Variants in DAGLB observed in about 807,000 individuals in gnomAD.
The protein encoded by DAGLB is diacylglycerol lipase-beta.
Under a neutral mutation model 72.1 loss-of-function variants are expected in DAGLB, and 66 were observed. The observed-to-expected ratio is 0.92, with a 90% CI of 0.75 to 1.12. The LOEUF (loss-of-function observed/expected upper bound fraction) is 1.12. DAGLB is among the 50% of genes most tolerant of loss of function. DAGLB has a pLI of 0.00. For missense variants in DAGLB, 1,065 were observed against 884.9 expected, an observed-to-expected ratio of 1.20 and a Z score of -2.58; for synonymous variants, 414 against 359.5, an observed-to-expected ratio of 1.15 and a Z score of -1.71.
In DAGLB at chr7:6,409,797, G is replaced by C. The variant is rs372529111; in HGVS notation, c.*40C>G. ...GGTAAGTCAGTTTAAGGACAAAAGC[G>C]TGAGTCCATCGTTCCTGGGACAGTT... On this transcript the variant is annotated 3_prime_UTR_variant, in exon 15 of 15. Transcript: ENST00000297056. 1.9e-6 allele frequency: 3 copies of C among 1,596,316 alleles called. No homozygotes were observed. The highest frequency in any genetic ancestry group is 1.3e-5 in the African/African-American group (1 of 74,332).
At chr7:6,430,285 A>T (rs1271453608) in intron 6 of DAGLB, among the ~76,000 whole-genome samples, 195 bp downstream of exon 6, 5 of 98,420 alleles carry the variant, frequency 5.1e-5, no homozygotes, top group Admixed American at 1.1e-4. Flanking sequence ...ATATATATGC[A>T]GGGGGGAGGG....
Position 6,423,625 on chromosome 7 carries a change from G to A in DAGLB, c.1140+1127C>T, listed in dbSNP as rs536936072. On this transcript the variant is annotated intron_variant, in intron 8 of 14. Transcript: ENST00000297056. Reference sequence around the variant, plus strand: ...TTTTTCTGAGACAGGGTCTCACTCTGTCTCCAGGCTGGAGTGCAGTGGTGC... The same window carrying A: ...TTTTTCTGAGACAGGGTCTCACTCTATCTCCAGGCTGGAGTGCAGTGGTGC... Among the ~76,000 whole-genome samples, 54 of 144,134 alleles carry A rather than the reference G, an allele frequency of 3.7e-4. 1 individual carries two copies. The highest frequency in any genetic ancestry group is 2.7e-4 in the Non-Finnish European group (18 of 67,124). The allele number at this position is 144,134 out of a possible 152,430, so 94.6% of individuals were successfully genotyped here. A position where few individuals can be genotyped will look rare whatever the true frequency, so the allele number is the denominator to read the frequency against.
chr7:6,432,008 G>A (rs1195912319), intron 5 of DAGLB, among the ~76,000 whole-genome samples: 2 of 152,004 alleles, frequency 1.3e-5, no homozygotes, highest in East Asian at 1.9e-4. Flanking sequence ...GAGTTTACCG[G>A]TGTAACAACC....
chr7:6,411,279 G>C (rs988641407), intron 13 of DAGLB, among the ~76,000 whole-genome samples: 2 of 151,998 alleles, frequency 1.3e-5, no homozygotes, highest in African/African-American at 4.8e-5. Context: ...AAAGTGCTGG[G>C]ATTACAGGCG....
chr7:6,415,471 G>T (rs1410051699), intron 11 of DAGLB, among the ~76,000 whole-genome samples: 2 of 149,922 alleles, frequency 1.3e-5, no homozygotes, highest in Admixed American at 6.6e-5. Context: ...GAAATAAAGT[G>T]GTATAATTTT....
In DAGLB at chr7:6,410,012, T is replaced by TGAGCAGCA; in HGVS notation, c.1836_1843dup (p.His615LeufsTer20). The TGAGCAGCA allele has an allele frequency of 1.2e-6, 2 of 1,613,788 alleles. No individual in the cohort carries two copies. The highest frequency in any genetic ancestry group is 1.7e-6 in the Non-Finnish European group (2 of 1,179,824). On this transcript the variant is annotated frameshift_variant, in exon 15 of 15. Transcript: ENST00000297056. LOFTEE classifies it low-confidence loss of function (END_TRUNC). ...TTCGTGTGACCACTTGGCGCTATAG[T>TGAGCAGCA]GAGCAGCAGAGCAGCAGCCAAACCT...
At chr7:6,415,155 T>C (rs1783860652) in intron 11 of DAGLB, among the ~76,000 whole-genome samples, 1 of 149,976 alleles carries the variant, frequency 6.7e-6, no homozygotes, top group African/African-American at 2.5e-5. Context: ...AGTGACACTC[T>C]GTGTCAATTA....
chr7:6,437,199 A>G (rs1458963306), intron 2 of DAGLB, among the ~76,000 whole-genome samples: 1 of 146,896 alleles, frequency 6.8e-6, no homozygotes, highest in Non-Finnish European at 1.5e-5. Flanking sequence ...AATAGTAATA[A>G]TTATGCTGAG....
At chr7:6,415,651 T>G (rs941269595) in intron 11 of DAGLB, among the ~76,000 whole-genome samples, 2 of 151,484 alleles carry the variant, frequency 1.3e-5, no homozygotes, top group African/African-American at 4.8e-5. Flanking sequence ...GAGACCATCC[T>G]GGCTAACACG....
intron 2 of DAGLB, among the ~76,000 whole-genome samples, chr7:6,439,976 C>G (rs1472699213): frequency 6.7e-6 from 1 of 148,556 alleles, no homozygotes; most frequent in Non-Finnish European, 1.5e-5. Flanking sequence ...CGGTCGAACC[C>G]AAGAGGTAGA....
chr7:6,422,055 C>A, intron 8 of DAGLB: 2 of 599,834 alleles, frequency 3.3e-6, no homozygotes, highest in South Asian at 3.1e-5. Flanking sequence ...CTAAGACACG[C>A]CCTGCGCCTT....
At chr7:6,415,334 T>C (rs1448355827) in intron 11 of DAGLB, among the ~76,000 whole-genome samples, 4 of 152,080 alleles carry the variant, frequency 2.6e-5, no homozygotes, top group African/African-American at 9.7e-5. Flanking sequence ...GTGTGAACTA[T>C]ATGTCAAAGA....
At chr7:6,421,592 G>C (rs1784122497) in intron 9 of DAGLB, 135 bp downstream of exon 9, 1 of 413,504 alleles carries the variant, frequency 2.4e-6, no homozygotes, top group Non-Finnish European at 4.4e-6. Flanking sequence ...CAGCGCGGGA[G>C]GCGCAGGCAG....
intron 5 of DAGLB, among the ~76,000 whole-genome samples, chr7:6,431,939 G>A (rs1046556137): frequency 7.2e-5 from 11 of 152,168 alleles, no homozygotes; most frequent in African/African-American, 2.7e-4. Flanking sequence ...AACTGCTGTA[G>A]GGTCCTAGGC....
chr7:6,410,184 G>A lies in DAGLB; in HGVS notation c.1766C>T (p.Pro589Leu), dbSNP rs765616195. 1.4e-5 allele frequency: 22 copies of A among 1,595,484 alleles called. No homozygotes were observed. The highest frequency in any genetic ancestry group is 5.4e-5 in the African/African-American group (4 of 74,644). The change falls in exon 14 of 15, where the codon CCT becomes CTT. Residue 589 changes from proline (P) to leucine (L), a missense_variant. By Grantham distance (98) the Pro-to-Leu change is moderately conservative. Transcript: ENST00000297056. Reference protein sequence around the residue: ...SPLDSSPKYPPLYPPGRIIHL... With the variant: ...SPLDSSPKYPLLYPPGRIIHL... ...GATGATCCTGCCGGGAGGGTAGAGAGGGGGGTACTTGGGAGAAGAGTCCAG... is the reference window on the plus strand; with the variant it reads ...GATGATCCTGCCGGGAGGGTAGAGAAGGGGGTACTTGGGAGAAGAGTCCAG...
chr7:6,422,165 T>A (rs925439609), intron 8 of DAGLB: 18 of 366,428 alleles, frequency 4.9e-5, no homozygotes, highest in Middle Eastern at 1.9e-3. Flanking sequence ...CCGTAACAGG[T>A]GAAACCGTGG....
intron 11 of DAGLB, 74 bp from the exon 12 acceptor site, chr7:6,413,108 A>G: frequency 1.3e-6 from 2 of 1,492,854 alleles, no homozygotes; most frequent in Non-Finnish European, 1.8e-6. Context: ...GAAAGAAATC[A>G]GTAACACTGA....
At chr7:6,435,046 T>C (rs754606399) in intron 3 of DAGLB, 26 bp from the exon 4 acceptor site, 3 of 1,609,558 alleles carry the variant, frequency 1.9e-6, no homozygotes, top group East Asian at 4.5e-5. Flanking sequence ...AGGAAAAGGC[T>C]CGGTGACTGC....
rs1784250092 is a variant in DAGLB at position 6,424,790 on chromosome 7, ACT to A, written c.1100_1101del (p.Glu367ValfsTer24). On this transcript the variant is annotated frameshift_variant, in exon 8 of 15. Transcript: ENST00000297056. LOFTEE classifies it high-confidence loss of function. Reference sequence around the variant, plus strand: ...GTCCCCCTCACAGCGACCACAACAGACTCTTTCCTGTGATCCAGAGCCACTAA... The same window carrying A: ...GTCCCCCTCACAGCGACCACAACAGACTTTCCTGTGATCCAGAGCCACTAA... ...PFLVALDHRK[E>X]SVVVAVRGTM... 6.2e-7 allele frequency: 1 copy of A among 1,613,614 alleles called. No homozygotes were observed. Among genetic ancestry groups the A allele is most frequent in the African/African-American group, 1.3e-5 (1 of 74,918 alleles).
Sources: gnomAD v4.1 joint callset for allele counts (sites outside exome capture counted in the v4.1 genomes callset) on GRCh38, gnomAD v4.1.1 for gene constraint, MANE v1.5 for transcripts, NCBI Gene and HGNC (gene_info 2026-07-23, HGNC 2026-07-21) for gene names.